DYNLT1: variants seen among roughly 807,000 people sequenced by gnomAD.
DYNLT1 encodes T-complex testis-specific protein 1 homolog.
A neutral mutation model predicts 19.6 loss-of-function variants in DYNLT1; 18 were observed. The observed-to-expected ratio is 0.92, with a 90% CI of 0.64 to 1.36. The LOEUF (loss-of-function observed/expected upper bound fraction) is 1.36. DYNLT1 is among the 40% of genes most tolerant of loss of function. DYNLT1 has a pLI of 0.00. For missense variants in DYNLT1, 137 were observed against 139.3 expected, an observed-to-expected ratio of 0.98 and a Z score of 0.08; for synonymous variants, 56 against 44.0, an observed-to-expected ratio of 1.27 and a Z score of -1.07.
chr6:158,643,848 G>A (rs550567685), intron 1 of DYNLT1, among the ~76,000 whole-genome samples: 1 of 152,066 alleles, frequency 6.6e-6, no homozygotes, highest in Non-Finnish European at 1.5e-5. Flanking sequence ...TTTTTGACAG[G>A]CTGCATAATA....
intron 2 of DYNLT1, among the ~76,000 whole-genome samples, chr6:158,639,917 G>A (rs1017386766): frequency 1.3e-5 from 2 of 152,188 alleles, no homozygotes; most frequent in African/African-American, 2.4e-5. Context: ...TTGACCTCAT[G>A]ATCCGCCCAC....
At chr6:158,641,203 T>C in intron 2 of DYNLT1, 116 bp downstream of exon 2, 2 of 931,578 alleles carry the variant, frequency 2.1e-6, no homozygotes, top group Non-Finnish European at 3.1e-6. Context: ...AACTGTTATT[T>C]GAAACACCAA....
chr6:158,640,718 C>CCACA (rs1209914798), intron 2 of DYNLT1, among the ~76,000 whole-genome samples: 1 of 152,194 alleles, frequency 6.6e-6, no homozygotes, highest in Admixed American at 6.5e-5. Context: ...GTGGCACTTA[C>CCACA]CACACAGCAA....
intron 3 of DYNLT1, 192 bp downstream of exon 3, chr6:158,637,579 A>G (rs1358771998): frequency 1.2e-6 from 1 of 806,640 alleles, no homozygotes; most frequent in African/African-American, 1.7e-5. Context: ...ATCCCGCTTC[A>G]CATACGATCT....
chr6:158,641,596 G>A, intron 1 of DYNLT1: 1 of 299,006 alleles, frequency 3.3e-6, no homozygotes, highest in Non-Finnish European at 6.1e-6. Flanking sequence ...TTTTGAGACG[G>A]AGTGTCGCTC....
Position 158,636,883 on chromosome 6 carries a change from G to T in DYNLT1, c.286C>A (p.Arg96=), listed in dbSNP as rs768917941. ...CAGTACATGGTCTTATTCTCCCATC[G>T]CACAGTGCAGCTCCCTGCGGGAGGG... ...DSSTDGSCTV[R]WENKTMYCIV... The change falls in exon 5 of 5, where the codon CGA becomes AGA. Residue 96 remains arginine, a synonymous_variant. Transcript: ENST00000367089. 20 of 1,613,342 alleles carry T rather than the reference G, an allele frequency of 1.2e-5. No homozygotes were observed. The highest frequency in any genetic ancestry group is 2.7e-5 in the African/African-American group (2 of 74,900).
rs35378330 is a variant in DYNLT1, at chr6:158,637,627, A to C, written c.193+144T>G. 193,029 of 1,275,258 alleles carry C rather than the reference A, an allele frequency of 0.15. 15,782 individuals are homozygous for C. Among genetic ancestry groups the C allele is most frequent in the African/African-American group, 0.22 (14,724 of 67,400 alleles). 79.0% of individuals were successfully genotyped at this position (1,275,258 alleles called of 1,614,324 possible). On this transcript the variant is annotated intron_variant, in intron 3 of 4. Coordinates refer to ENST00000367089, the MANE Select transcript of DYNLT1 (RefSeq NM_006519.4). ...GCAGCCAAATGGTCAAGCGTACGCTAACGTATACTACACACACGACCGACT... is the reference window on the plus strand; with the variant it reads ...GCAGCCAAATGGTCAAGCGTACGCTCACGTATACTACACACACGACCGACT...
Position 158,636,854 on chromosome 6 carries a change from G to T in DYNLT1, c.315C>A (p.Ile105=). The part of the protein sequence containing the change: ...VRWENKTMYC[I]VSAFGLSI ...AAATAGACAGTCCGAAGGCACTGAC[G>T]ATGCAGTACATGGTCTTATTCTCCC... Residue 105 remains isoleucine, a synonymous_variant, in exon 5 of 5, where the codon ATC becomes ATA. Coordinates refer to ENST00000367089, the MANE Select transcript of DYNLT1 (RefSeq NM_006519.4). The T allele has an allele frequency of 6.2e-7, 1 of 1,613,002 alleles. No individual in the cohort carries two copies. Among genetic ancestry groups the T allele is most frequent in the South Asian group, 1.1e-5 (1 of 90,760 alleles).
chr6:158,641,563 T>C (rs1787135025), intron 1 of DYNLT1: 3 of 402,208 alleles, frequency 7.5e-6, no homozygotes, highest in East Asian at 7.9e-5. Flanking sequence ...TTTAAAGGTA[T>C]TGTTTTATTT....
intron 2 of DYNLT1, 147 bp from the exon 3 acceptor site, chr6:158,638,041 CATT>C (rs1417367020): frequency 1.7e-5 from 21 of 1,205,440 alleles, no homozygotes; most frequent in Non-Finnish European, 2.2e-5. Context: ...CTTTTAATAG[CATT>C]ATATTTCATT....
At chr6:158,641,178 AT>A (rs1396056324) in intron 2 of DYNLT1, 140 bp downstream of exon 2, 1 of 656,412 alleles carries the variant, frequency 1.5e-6, no homozygotes, top group Non-Finnish European at 2.5e-6. Context: ...TTATCTAGCT[AT>A]TTACTGAAGT....
chr6:158,642,394 A>ACTC (rs1787154671), intron 1 of DYNLT1: 1 of 152,228 alleles, frequency 6.6e-6, no homozygotes, highest in Non-Finnish European at 1.5e-5. Context: ...CAAGCGTTTA[A>ACTC]AGTTACTGCT....
intron 2 of DYNLT1, among the ~76,000 whole-genome samples, chr6:158,640,702 C>T (rs1409056018): frequency 6.6e-6 from 1 of 152,234 alleles, no homozygotes; most frequent in Non-Finnish European, 1.5e-5. Context: ...CACAGCACCA[C>T]CACTAGTGGC....
intron 1 of DYNLT1, 81 bp downstream of exon 1, chr6:158,644,600 AG>A: frequency 6.4e-7 from 1 of 1,557,570 alleles, no homozygotes; most frequent in Admixed American, 1.7e-5. Context: ...GTGGGCAGCC[AG>A]GCCTTTCCGG....
At chr6:158,641,633 G>A (rs146857023) in intron 1 of DYNLT1, 8,695 of 217,446 alleles carry the variant, frequency 0.04, 450 homozygotes, top group Admixed American at 0.19. Flanking sequence ...ATGCAGTGGC[G>A]CAATCTCAGC....
intron 1 of DYNLT1, among the ~76,000 whole-genome samples, chr6:158,643,773 G>A (rs1322754692): frequency 6.6e-6 from 1 of 152,154 alleles, no homozygotes; most frequent in Admixed American, 6.5e-5. Flanking sequence ...GAGCCACTGC[G>A]CCCAGCCACT....
At chr6:158,644,115 T>C (rs573499523) in intron 1 of DYNLT1, among the ~76,000 whole-genome samples, 4 of 151,924 alleles carry the variant, frequency 2.6e-5, no homozygotes, top group African/African-American at 9.6e-5. Context: ...TAAACGGAAA[T>C]GAAATGTGCT....
chr6:158,643,570 C>T (rs1011109743), intron 1 of DYNLT1, among the ~76,000 whole-genome samples: 4 of 152,208 alleles, frequency 2.6e-5, no homozygotes, highest in African/African-American at 9.6e-5. Flanking sequence ...CAACCTCTGC[C>T]TCCCAGGTTC....
intron 2 of DYNLT1, among the ~76,000 whole-genome samples, chr6:158,639,284 C>T (rs532960747): frequency 1.3e-5 from 2 of 152,326 alleles, no homozygotes; most frequent in South Asian, 4.1e-4. Context: ...GGCCACTGTG[C>T]TCCCTCCCAG....
Sources: gnomAD v4.1 joint callset for allele counts (sites outside exome capture counted in the v4.1 genomes callset) on GRCh38, gnomAD v4.1.1 for gene constraint, MANE v1.5 for transcripts, NCBI Gene and HGNC (gene_info 2026-07-23, HGNC 2026-07-21) for gene names.